The following ADGRL3 variants were observed in gnomAD, a reference collection of about 807,000 sequenced individuals.
ADGRL3 encodes the protein adhesion G protein-coupled receptor L3.
A neutral mutation model predicts 153.5 loss-of-function variants in ADGRL3; 62 were observed. The observed-to-expected ratio is 0.40, with a 90% CI of 0.33 to 0.50. ADGRL3 has a LOEUF of 0.50. Among genes scored for constraint, ADGRL3 ranks in the 20% least tolerant of loss-of-function variants. The pLI is 0.47. For missense variants in ADGRL3, 1,641 were observed against 1,859.4 expected, an observed-to-expected ratio of 0.88 and a Z score of 2.16; for synonymous variants, 710 against 672.5, an observed-to-expected ratio of 1.06 and a Z score of -0.86.
chr4:61,452,691 A>G (rs1352180670), intron 2 of ADGRL3, among the ~76,000 whole-genome samples: 2 of 152,162 alleles, frequency 1.3e-5, no homozygotes, highest in African/African-American at 4.8e-5. Context: ...CATTGTTGGC[A>G]TGGCTATAGT....
At chr4:61,830,682 T>C (rs2097858555) in intron 9 of ADGRL3, among the ~76,000 whole-genome samples, 1 of 152,110 alleles carries the variant, frequency 6.6e-6, no homozygotes, top group Non-Finnish European at 1.5e-5. Context: ...CCAGCCAGAT[T>C]AGTAGGAAAC....
At chr4:62,006,003 C>CACATATATATAT (rs1230956055) in intron 21 of ADGRL3, among the ~76,000 whole-genome samples, 2 of 49,020 alleles carry the variant, frequency 4.1e-5, no homozygotes, top group African/African-American at 7.4e-5. Flanking sequence ...CACACACACA[C>CACATATATATAT]ATATATATAT....
intron 3 of ADGRL3, among the ~76,000 whole-genome samples, chr4:61,505,338 G>A (rs746020595): frequency 2.0e-5 from 3 of 151,984 alleles, no homozygotes; most frequent in African/African-American, 7.2e-5. Flanking sequence ...TCAGATGATA[G>A]TTTGCAAATA....
At chr4:61,565,382 T>G (rs531790240) in intron 4 of ADGRL3, among the ~76,000 whole-genome samples, 55 of 152,308 alleles carry the variant, frequency 3.6e-4, no homozygotes, top group African/African-American at 1.3e-3. Flanking sequence ...GAAATTCATA[T>G]TTAATGACAT....
intron 1 of ADGRL3, among the ~76,000 whole-genome samples, chr4:61,320,240 A>G (rs779054658): frequency 2.0e-4 from 31 of 152,304 alleles, no homozygotes; most frequent in Non-Finnish European, 4.0e-4. Context: ...TGTTACTGGA[A>G]GTCCAGGCCG....
At position 61,497,202 on chromosome 4, in the gene ADGRL3, T is replaced by G; in HGVS notation, c.-92T>G. On this transcript the variant is annotated 5_prime_UTR_variant, in exon 3 of 27. Transcript: ENST00000683033. ...TAATTTGAAGAAAAATCATCAGTCT[T>G]GGAATACAGAAGAGAAACTAGAAAT... 1.3e-6 allele frequency: 1 copy of G among 740,764 alleles called. No individual in the cohort carries two copies. Among genetic ancestry groups the G allele is most frequent in the Non-Finnish European group, 2.2e-6 (1 of 444,686 alleles). 45.9% of individuals were successfully genotyped at this position (740,764 alleles called of 1,614,324 possible).
intron 9 of ADGRL3, among the ~76,000 whole-genome samples, chr4:61,890,570 C>T (rs2098570591): frequency 6.6e-6 from 1 of 152,148 alleles, no homozygotes; most frequent in Non-Finnish European, 1.5e-5. Context: ...CACACATCCT[C>T]TTATCAGAAA....
At chr4:61,276,069 G>GT (rs1027759283) in intron 1 of ADGRL3, among the ~76,000 whole-genome samples, 2 of 152,138 alleles carry the variant, frequency 1.3e-5, no homozygotes, top group Non-Finnish European at 2.9e-5. Flanking sequence ...GAAATGAAGA[G>GT]TAAGTACCTA....
rs113422764 is a variant in ADGRL3, at chr4:61,432,895, C to T, written c.-174+49706C>T. Among the ~76,000 whole-genome samples the T allele has an allele frequency of 8.7e-3, 1,321 of 151,740 alleles. 25 individuals carry two copies. The highest frequency in any genetic ancestry group is 0.03 in the African/African-American group (1,251 of 41,354). Reference sequence around the variant, plus strand: ...CTTGAACTCCTGACCTCAGTTGATCCGCCTGCCTCAACCTCCCAAAGTGCT... The same window carrying T: ...CTTGAACTCCTGACCTCAGTTGATCTGCCTGCCTCAACCTCCCAAAGTGCT... On this transcript the variant is annotated intron_variant, in intron 2 of 26. Coordinates refer to ENST00000683033, the MANE Select transcript of ADGRL3 (RefSeq NM_001387552.1).
chr4:61,325,552 T>G (rs935834603), intron 1 of ADGRL3, among the ~76,000 whole-genome samples: 1 of 152,208 alleles, frequency 6.6e-6, no homozygotes, highest in African/African-American at 2.4e-5. Flanking sequence ...TTTCTCTTTT[T>G]CATTTAGCAA....
At chr4:61,369,443 T>C (rs973310287) in intron 1 of ADGRL3, among the ~76,000 whole-genome samples, 35 of 152,064 alleles carry the variant, frequency 2.3e-4, no homozygotes, top group African/African-American at 7.0e-4. Flanking sequence ...GCATGAAGGG[T>C]TGTTGAATTT....
intron 5 of ADGRL3, among the ~76,000 whole-genome samples, chr4:61,610,479 C>T (rs1278648148): frequency 2.0e-5 from 3 of 152,072 alleles, no homozygotes; most frequent in Non-Finnish European, 4.4e-5. Context: ...AAAAATATTT[C>T]CAATCTTTCT....
At chr4:61,705,428 T>A (rs1356945699) in intron 6 of ADGRL3, among the ~76,000 whole-genome samples, 2 of 148,934 alleles carry the variant, frequency 1.3e-5, no homozygotes, top group African/African-American at 4.9e-5. Context: ...ACATGTTATA[T>A]GTATTAGTTA....
intron 2 of ADGRL3, among the ~76,000 whole-genome samples, chr4:61,466,388 A>G (rs944107753): frequency 5.3e-5 from 8 of 152,164 alleles, no homozygotes; most frequent in Non-Finnish European, 1.2e-4. Flanking sequence ...AGCCCTAAAC[A>G]TTTTGTATTA....
At chr4:61,932,464 G>A (rs2098821507) in intron 13 of ADGRL3, among the ~76,000 whole-genome samples, 1 of 152,048 alleles carries the variant, frequency 6.6e-6, no homozygotes, top group Admixed American at 6.6e-5. Flanking sequence ...CTGTTAATGT[G>A]GTGTATCACA....
chr4:61,248,231 C>G (rs1438793981), intron 1 of ADGRL3, among the ~76,000 whole-genome samples: 1 of 151,664 alleles, frequency 6.6e-6, no homozygotes. Context: ...TTCAGATTAT[C>G]TTCTAAAGCA....
intron 5 of ADGRL3, among the ~76,000 whole-genome samples, chr4:61,655,948 A>G (rs1320728387): frequency 6.6e-6 from 1 of 152,168 alleles, no homozygotes; most frequent in East Asian, 1.9e-4. Flanking sequence ...CACTGATATT[A>G]AAAAGAAAAA....
chr4:61,645,799 G>T (rs936421295), intron 5 of ADGRL3, among the ~76,000 whole-genome samples: 8 of 152,070 alleles, frequency 5.3e-5, no homozygotes, highest in Admixed American at 2.6e-4. Flanking sequence ...TCTTTGTGGC[G>T]TTCTCTGTAT....
chr4:61,209,842 T>C (rs1451921361), intron 1 of ADGRL3, among the ~76,000 whole-genome samples: 1 of 152,212 alleles, frequency 6.6e-6, no homozygotes, highest in East Asian at 1.9e-4. Context: ...TCAATCATTC[T>C]TTAAGCTTTA....
Sources: gnomAD v4.1 joint callset for allele counts (sites outside exome capture counted in the v4.1 genomes callset) on GRCh38, gnomAD v4.1.1 for gene constraint, MANE v1.5 for transcripts, NCBI Gene and HGNC (gene_info 2026-07-23, HGNC 2026-07-21) for gene names.